TENM2: variants seen among roughly 807,000 people sequenced by gnomAD.
TENM2 encodes the protein teneurin transmembrane protein 2.
Under a neutral mutation model 245.2 loss-of-function variants are expected in TENM2, and 52 were observed. That is an observed-to-expected ratio of 0.21 (90% CI 0.17 to 0.27). The LOEUF (loss-of-function observed/expected upper bound fraction) is 0.27. Ranked by LOEUF, TENM2 falls within the 10% of genes least tolerant of loss-of-function variation. The pLI is 1.00. For missense variants in TENM2, 3,046 were observed against 3,666.8 expected (o/e 0.83, Z 4.37); for synonymous variants, 1,363 against 1,438.9 (o/e 0.95, Z 1.19).
At chr5:167,084,366 T>TATACAC in the TENM2 span, among the ~76,000 whole-genome samples, 6 of 114,898 alleles carry the variant, frequency 5.2e-5, no homozygotes, top group Non-Finnish European at 1.1e-4. Context: ...TATATATATA[T>TATACAC]ACAGATCAGA....
chr5:168,009,826 G>A (rs2152071681), intron 5 of TENM2, among the ~76,000 whole-genome samples: 1 of 152,316 alleles, frequency 6.6e-6, no homozygotes, highest in Non-Finnish European at 1.5e-5. Context: ...AGTGGCAGGA[G>A]CTAAGGCTTG....
intron 3 of TENM2, among the ~76,000 whole-genome samples, chr5:167,932,056 G>A (rs567507919): frequency 3.9e-5 from 6 of 152,356 alleles, no homozygotes; most frequent in East Asian, 3.9e-4. Flanking sequence ...ACCGAGGTCC[G>A]TATTGAGCTG....
chr5:168,106,413 G>A (rs1794248217), intron 9 of TENM2, among the ~76,000 whole-genome samples: 1 of 152,134 alleles, frequency 6.6e-6, no homozygotes, highest in African/African-American at 2.4e-5. Flanking sequence ...CAACCACCGT[G>A]CTGAACAACT....
At chr5:168,143,695 CAAAGGAGTT>C (rs1435198750) in intron 12 of TENM2, among the ~76,000 whole-genome samples, 2 of 152,194 alleles carry the variant, frequency 1.3e-5, no homozygotes, top group East Asian at 3.9e-4. Flanking sequence ...CTGGTTTCCT[CAAAGGAGTT>C]TGCAAGTTTC....
chr5:168,027,572 C>A (rs1161328132), intron 5 of TENM2, among the ~76,000 whole-genome samples: 1 of 152,110 alleles, frequency 6.6e-6, no homozygotes, highest in Non-Finnish European at 1.5e-5. Context: ...ATGTTCTGGG[C>A]CATGTGAGTG....
Position 167,293,368 on chromosome 5 carries a change from A to ATT in TENM2, c.226+8326_226+8327dup, listed in dbSNP as rs199972172. Among the ~76,000 whole-genome samples, 762 of 130,484 alleles carry ATT rather than the reference A, an allele frequency of 5.8e-3. 9 individuals carry two copies. Among genetic ancestry groups the ATT allele is most frequent in the African/African-American group, 0.02 (676 of 34,610 alleles). 85.6% of individuals were successfully genotyped at this position (130,484 alleles called of 152,430 possible). On this transcript the variant is annotated intron_variant, in intron 1 of 28. Transcript: ENST00000518659. ...AGGGATGCGTCACCATGTCCGGCTAATTTTTTTTTTTTTTTTTTTTTTGTA... is the reference window on the plus strand; with the variant it reads ...AGGGATGCGTCACCATGTCCGGCTAATTTTTTTTTTTTTTTTTTTTTTTTGTA...
At chr5:167,361,274 G>A (rs1759697425) in intron 1 of TENM2, among the ~76,000 whole-genome samples, 1 of 152,126 alleles carries the variant, frequency 6.6e-6, no homozygotes, top group Non-Finnish European at 1.5e-5. Flanking sequence ...TAATTAACGA[G>A]TGTTAATATT....
intron 2 of TENM2, among the ~76,000 whole-genome samples, chr5:167,807,533 T>A (rs1278579480): frequency 4.6e-5 from 7 of 152,030 alleles, no homozygotes; most frequent in African/African-American, 1.7e-4. Flanking sequence ...AAAACTAAAA[T>A]ACTAAATTCC....
intron 1 of TENM2, among the ~76,000 whole-genome samples, chr5:167,371,963 T>C (rs980170997): frequency 6.6e-6 from 1 of 152,178 alleles, no homozygotes; most frequent in African/African-American, 2.4e-5. Context: ...GTATTAATAC[T>C]TACAATGAGG....
chr5:168,207,637 A>C (rs1762466646), intron 19 of TENM2, among the ~76,000 whole-genome samples: 1 of 152,192 alleles, frequency 6.6e-6, no homozygotes, highest in African/African-American at 2.4e-5. Flanking sequence ...AGCAACCAGC[A>C]GAGGGAGGGA....
chr5:167,874,693 G>C (rs1474347207), intron 2 of TENM2, among the ~76,000 whole-genome samples: 1 of 152,216 alleles, frequency 6.6e-6, no homozygotes, highest in East Asian at 1.9e-4. Context: ...GGATGAAGCA[G>C]GCAAAAGTAT....
chr5:167,582,359 A>T (rs1043088794), intron 2 of TENM2, among the ~76,000 whole-genome samples: 1 of 152,206 alleles, frequency 6.6e-6, no homozygotes, highest in Non-Finnish European at 1.5e-5. Context: ...AAATCATTTT[A>T]TTCTTGATCT....
At chr5:168,252,617 G>A (rs887863757) in intron 27 of TENM2, among the ~76,000 whole-genome samples, 10 of 151,876 alleles carry the variant, frequency 6.6e-5, no homozygotes, top group African/African-American at 2.2e-4. Flanking sequence ...GCCGAGGCGG[G>A]TGGATCACCT....
intron 11 of TENM2, among the ~76,000 whole-genome samples, chr5:168,126,332 G>T (rs1795849187): frequency 6.6e-6 from 1 of 152,112 alleles, no homozygotes; most frequent in Non-Finnish European, 1.5e-5. Context: ...TTTCAGGTGG[G>T]TACTTCCCGG....
chr5:167,991,221 A>G (rs1783641235), intron 4 of TENM2, among the ~76,000 whole-genome samples: 1 of 152,232 alleles, frequency 6.6e-6, no homozygotes, highest in Non-Finnish European at 1.5e-5. Context: ...GAGAAAGGAA[A>G]TAACTGTAGT....
the TENM2 span, among the ~76,000 whole-genome samples, chr5:167,098,658 G>T: frequency 6.6e-6 from 1 of 152,070 alleles, no homozygotes; most frequent in Non-Finnish European, 1.5e-5. Context: ...AAAACATACC[G>T]AGAAAAAGGA....
At chr5:167,412,402 T>C (rs1350060198) in intron 2 of TENM2, among the ~76,000 whole-genome samples, 1 of 152,102 alleles carries the variant, frequency 6.6e-6, no homozygotes, top group Non-Finnish European at 1.5e-5. Flanking sequence ...GGCTCACACC[T>C]GTAATCCCAA....
intron 2 of TENM2, among the ~76,000 whole-genome samples, chr5:167,700,949 TAAAAAAA>T (rs781480259): frequency 8.8e-5 from 7 of 79,924 alleles, no homozygotes; most frequent in East Asian, 5.6e-4. Flanking sequence ...TTATATTTCT[TAAAAAAA>T]AAAAAAAAAA....
intron 1 of TENM2, among the ~76,000 whole-genome samples, chr5:167,338,377 C>T (rs141538879): frequency 3.7e-4 from 56 of 152,286 alleles, no homozygotes; most frequent in African/African-American, 1.3e-3. Context: ...GTGTCCATTA[C>T]GGGTTAACTA....
Sources: gnomAD v4.1 joint callset for allele counts (sites outside exome capture counted in the v4.1 genomes callset) on GRCh38, gnomAD v4.1.1 for gene constraint, MANE v1.5 for transcripts, NCBI Gene and HGNC (gene_info 2026-07-23, HGNC 2026-07-21) for gene names.